RALYL: variants seen among roughly 807,000 people sequenced by gnomAD.
The protein encoded by RALYL is RNA-binding Raly-like protein.
RALYL carries 29 observed loss-of-function variants against 35.1 expected under a neutral mutation model. The ratio of observed to expected loss-of-function variants is 0.83; its 90% CI spans 0.61 to 1.13. RALYL has a LOEUF of 1.13. Among genes scored for constraint, RALYL ranks in the 50% most tolerant of loss-of-function variants. The pLI, the probability that RALYL is intolerant of heterozygous loss-of-function variation, is 0.00. For synonymous variants in RALYL, 120 were observed against 127.6 expected (o/e 0.94, Z 0.40); for missense variants, 359 against 360.4 (o/e 1.00, Z 0.03).
chr8:84,562,434 C>T (rs557842161), intron 2 of RALYL, among the ~76,000 whole-genome samples: 2 of 151,850 alleles, frequency 1.3e-5, no homozygotes, highest in African/African-American at 4.8e-5. Context: ...TTGTTTTGAC[C>T]AACACATATT....
intron 2 of RALYL, among the ~76,000 whole-genome samples, chr8:84,681,872 C>G (rs1051637827): frequency 2.0e-5 from 3 of 152,198 alleles, no homozygotes; most frequent in Non-Finnish European, 2.9e-5. Context: ...ACTTCCAACA[C>G]TATGTTGAAT....
intron 1 of RALYL, among the ~76,000 whole-genome samples, chr8:84,371,539 T>TCACACACA (rs5892914): frequency 0.011 from 1,627 of 144,122 alleles, 13 homozygotes; most frequent in African/African-American, 0.027. Context: ...TTTATGATTA[T>TCACACACA]CACACACACA....
At chr8:84,901,129 G>C (rs1489706886) in intron 8 of RALYL, among the ~76,000 whole-genome samples, 1 of 152,106 alleles carries the variant, frequency 6.6e-6, no homozygotes, top group Non-Finnish European at 1.5e-5. Flanking sequence ...ATATATTCCT[G>C]GGTTTATACA....
At chr8:84,684,799 G>T (rs1836403108) in intron 2 of RALYL, among the ~76,000 whole-genome samples, 1 of 152,180 alleles carries the variant, frequency 6.6e-6, no homozygotes, top group Non-Finnish European at 1.5e-5. Context: ...TCAGGGTACA[G>T]TTTGTATTTA....
At chr8:84,866,523 A>T (rs1215797749) in intron 6 of RALYL, among the ~76,000 whole-genome samples, 1 of 152,166 alleles carries the variant, frequency 6.6e-6, no homozygotes, top group Non-Finnish European at 1.5e-5. Flanking sequence ...AGAATCCAAT[A>T]GTGCCTCAGC....
chr8:84,425,299 A>C (rs1034044810), intron 1 of RALYL, among the ~76,000 whole-genome samples: 1 of 152,038 alleles, frequency 6.6e-6, no homozygotes, highest in African/African-American at 2.4e-5. Flanking sequence ...TTCGGGTGGG[A>C]GTGACCCGAT....
intron 2 of RALYL, among the ~76,000 whole-genome samples, chr8:84,548,571 G>A (rs577538036): frequency 1.3e-5 from 2 of 152,200 alleles, no homozygotes; most frequent in South Asian, 4.1e-4. Context: ...TTGGAGACTT[G>A]AATGTGATCT....
At chr8:84,878,789 T>C (rs1360968980) in intron 7 of RALYL, among the ~76,000 whole-genome samples, 2 of 150,594 alleles carry the variant, frequency 1.3e-5, no homozygotes, top group African/African-American at 2.5e-5. Context: ...CCAGAAAATA[T>C]GGAAAAAAAA....
At chr8:84,711,497 T>G (rs114325292) in intron 2 of RALYL, among the ~76,000 whole-genome samples, 7,333 of 152,236 alleles carry the variant, frequency 0.048, 371 homozygotes, top group African/African-American at 0.12. Flanking sequence ...CTGACTTATC[T>G]TCTTATAAAT....
At chr8:84,629,638 G>A (rs1823494351) in intron 2 of RALYL, among the ~76,000 whole-genome samples, 1 of 152,022 alleles carries the variant, frequency 6.6e-6, no homozygotes, top group East Asian at 1.9e-4. Context: ...TCATATGACA[G>A]AACAGTCTGT....
At chr8:84,353,649 T>A (rs1247562216) in intron 1 of RALYL, among the ~76,000 whole-genome samples, 1 of 150,258 alleles carries the variant, frequency 6.7e-6, no homozygotes, top group African/African-American at 2.5e-5. Context: ...CGTCAAGATA[T>A]GTTACAAGGT....
chr8:84,667,302 G>C (rs1832281317), intron 2 of RALYL, among the ~76,000 whole-genome samples: 2 of 151,984 alleles, frequency 1.3e-5, no homozygotes, highest in Admixed American at 1.3e-4. Context: ...CTTCCATCAA[G>C]AGACCCATGC....
At chr8:84,586,581 G>A (rs2136054342) in intron 2 of RALYL, among the ~76,000 whole-genome samples, 1 of 152,300 alleles carries the variant, frequency 6.6e-6, no homozygotes, top group Non-Finnish European at 1.5e-5. Context: ...TTGAGTGACT[G>A]ATACTTAGGA....
intron 2 of RALYL, among the ~76,000 whole-genome samples, chr8:84,572,616 C>G (rs118032996): frequency 6.6e-6 from 1 of 151,946 alleles, no homozygotes; most frequent in East Asian, 1.9e-4. Context: ...CTCTCCTCTT[C>G]TATTTACAAT....
At chr8:84,479,385 A>G (rs2053821736) in intron 1 of RALYL, among the ~76,000 whole-genome samples, 1 of 152,180 alleles carries the variant, frequency 6.6e-6, no homozygotes. Flanking sequence ...TATATATTAA[A>G]GTGAAAGTTT....
At chr8:84,835,799 G>A (rs1489484469) in intron 4 of RALYL, among the ~76,000 whole-genome samples, 1 of 151,662 alleles carries the variant, frequency 6.6e-6, no homozygotes, top group Non-Finnish European at 1.5e-5. Flanking sequence ...TTGAGCTAAT[G>A]CAAAAGATTG....
chr8:84,224,372 G>A (rs1243934821), intron 1 of RALYL, among the ~76,000 whole-genome samples: 7 of 152,098 alleles, frequency 4.6e-5, no homozygotes, highest in Admixed American at 1.3e-4. Context: ...TATTTGCACC[G>A]GTGGGAGACT....
chr8:84,276,479 A>G (rs762752050), intron 1 of RALYL, among the ~76,000 whole-genome samples: 5 of 152,118 alleles, frequency 3.3e-5, no homozygotes, highest in Non-Finnish European at 7.4e-5. Flanking sequence ...ACCATATAAC[A>G]TCTTCCTGCG....
At chr8:84,263,957 T>C (rs957405265) in intron 1 of RALYL, among the ~76,000 whole-genome samples, 3 of 152,234 alleles carry the variant, frequency 2.0e-5, no homozygotes, top group Admixed American at 6.5e-5. Context: ...TTCTTTTTTA[T>C]GGTTGCATAG....
Sources: allele counts gnomAD v4.1 joint callset (sites outside exome capture counted in the v4.1 genomes callset), GRCh38; gene constraint gnomAD v4.1.1; transcripts MANE v1.5; gene names NCBI Gene and HGNC (gene_info 2026-07-23, HGNC 2026-07-21).